DNER: variants seen among roughly 807,000 people sequenced by gnomAD.
The protein encoded by DNER is delta/notch like EGF repeat containing.
DNER carries 33 observed loss-of-function variants against 78.2 expected under a neutral mutation model. That is an observed-to-expected ratio of 0.42 (90% confidence interval 0.32 to 0.56). DNER has a LOEUF of 0.56. Ranked by LOEUF, DNER falls within the 20% of genes least tolerant of loss-of-function variation. DNER has a pLI of 0.11. For synonymous variants in DNER, 417 were observed against 384.8 expected (o/e 1.08, Z -0.98); for missense variants, 918 against 975.3 (o/e 0.94, Z 0.78).
At chr2:229,669,570 G>T (rs1047298002) in intron 1 of DNER, among the ~76,000 whole-genome samples, 2 of 152,084 alleles carry the variant, frequency 1.3e-5, no homozygotes, top group Admixed American at 6.6e-5. Flanking sequence ...CCATTTGTTT[G>T]TTTCCTCTCT....
intron 5 of DNER, among the ~76,000 whole-genome samples, chr2:229,518,129 C>T (rs145716568): frequency 2.2e-3 from 334 of 152,340 alleles, no homozygotes; most frequent in Middle Eastern, 3.4e-3. Context: ...ATGTTTGAGT[C>T]TTCCATTTTC....
chr2:229,378,243 G>C (rs1425825197), intron 11 of DNER, among the ~76,000 whole-genome samples: 1 of 152,172 alleles, frequency 6.6e-6, no homozygotes, highest in African/African-American at 2.4e-5. Flanking sequence ...TTCCAGAACT[G>C]TAACGTGATA....
At chr2:229,417,963 T>G (rs2106349034) in intron 9 of DNER, 145 bp downstream of exon 9, 3 of 1,352,282 alleles carry the variant, frequency 2.2e-6, no homozygotes, top group Admixed American at 4.3e-5. Flanking sequence ...TTGGTCTCCT[T>G]GGACCGATTA....
chr2:229,387,509 G>GAAAGAGAGAGAGAAAGAAAGAAAGAA (rs1553602522), intron 11 of DNER, among the ~76,000 whole-genome samples: 1 of 76,128 alleles, frequency 1.3e-5, no homozygotes, highest in African/African-American at 4.6e-5. Flanking sequence ...GAAAGAAAGA[G>GAAAGAGAGAGAGAAAGAAAGAAAGAA]AGAAAGAAAG....
intron 1 of DNER, among the ~76,000 whole-genome samples, chr2:229,671,729 G>A (rs778355351): frequency 9.9e-5 from 15 of 152,182 alleles, no homozygotes; most frequent in Non-Finnish European, 1.9e-4. Context: ...GGAAAGGGAC[G>A]GGCTCTGGGA....
chr2:229,540,105 C>G (rs1198152494), intron 5 of DNER, among the ~76,000 whole-genome samples: 1 of 152,140 alleles, frequency 6.6e-6, no homozygotes, highest in African/African-American at 2.4e-5. Context: ...GAAAATTCTA[C>G]AGTACTTCAG....
intron 11 of DNER, among the ~76,000 whole-genome samples, chr2:229,374,624 A>G (rs1439111486): frequency 1.3e-5 from 2 of 152,158 alleles, no homozygotes; most frequent in African/African-American, 4.8e-5. Flanking sequence ...GAAGCAACTG[A>G]GACTCTAAGA....
In DNER at chr2:229,421,271, G is replaced by A. The variant is rs374944200; in HGVS notation, c.1487-3041C>T. 2.4e-4 allele frequency among the ~76,000 whole-genome samples: 37 copies of A among 152,102 alleles called. No homozygotes were observed. The East Asian group carries it at 6.2e-3, about 25-fold the overall frequency. ...AATGATGATGATTGCCAGGGTCTGC[G>A]GAAGGGGAAAAATGGAGAGCTGCTA... On this transcript the variant is annotated intron_variant, in intron 8 of 12. Transcript: ENST00000341772.
intron 10 of DNER, among the ~76,000 whole-genome samples, chr2:229,392,971 G>C (rs73098274): frequency 0.029 from 4,475 of 151,932 alleles, 101 homozygotes; most frequent in African/African-American, 0.06. Flanking sequence ...TCAGTCAAAA[G>C]ACACAAATTC....
At chr2:229,405,146 A>C (rs184943190) in intron 10 of DNER, among the ~76,000 whole-genome samples, 2 of 152,336 alleles carry the variant, frequency 1.3e-5, no homozygotes, top group Non-Finnish European at 2.9e-5. Context: ...GAAGAAACAC[A>C]ACCAGAAACA....
At chr2:229,400,324 C>G (rs1195126211) in intron 10 of DNER, among the ~76,000 whole-genome samples, 1 of 152,112 alleles carries the variant, frequency 6.6e-6, no homozygotes, top group Admixed American at 6.5e-5. Flanking sequence ...ACATGCACTT[C>G]CTCACTTTGT....
At chr2:229,559,027 T>C (rs527563414) in intron 4 of DNER, among the ~76,000 whole-genome samples, 1 of 152,140 alleles carries the variant, frequency 6.6e-6, no homozygotes, top group Non-Finnish European at 1.5e-5. Flanking sequence ...ACAAACAAGA[T>C]TTTCATATAG....
chr2:229,435,493 T>C (rs1056680745), intron 8 of DNER, among the ~76,000 whole-genome samples: 1 of 152,216 alleles, frequency 6.6e-6, no homozygotes, highest in African/African-American at 2.4e-5. Flanking sequence ...AATACAAAGG[T>C]TGATTGCCAG....
At chr2:229,692,062 G>A (rs1402593142) in intron 1 of DNER, among the ~76,000 whole-genome samples, 1 of 152,196 alleles carries the variant, frequency 6.6e-6, no homozygotes, top group Admixed American at 6.5e-5. Flanking sequence ...CATGGCCCAG[G>A]TGATATAAGT....
At chr2:229,713,917 C>G (rs1699948550) in intron 1 of DNER, among the ~76,000 whole-genome samples, 1 of 152,138 alleles carries the variant, frequency 6.6e-6, no homozygotes, top group Non-Finnish European at 1.5e-5. Context: ...CCCGGAGCGG[C>G]ACACCCCGAG....
intron 1 of DNER, among the ~76,000 whole-genome samples, chr2:229,645,604 C>T (rs1698704337): frequency 6.6e-6 from 1 of 152,182 alleles, no homozygotes; most frequent in Non-Finnish European, 1.5e-5. Flanking sequence ...ATCAGGTCAC[C>T]TTTAGAGCAA....
intron 1 of DNER, among the ~76,000 whole-genome samples, chr2:229,712,808 G>A (rs1341809104): frequency 1.3e-5 from 2 of 152,066 alleles, no homozygotes; most frequent in African/African-American, 2.4e-5. Context: ...CTCCCTTCAA[G>A]TAACTAAAGC....
Position 229,591,576 on chromosome 2 carries a change from T to G in DNER, c.585+4A>C, listed in dbSNP as rs760224461. On this transcript the variant is annotated splice_donor_region_variant and intron_variant, in intron 2 of 12. Transcript: ENST00000341772. The surrounding 1 kb of genome is among the most constrained non-coding windows in gnomAD (Gnocchi z 4.6). The stretch of plus-strand genomic sequence containing the variant: ...TAAAAATGCACATGATATAACGTTC[T>G]CACCTCCACTTGATCCCATTTCATT... The G allele has an allele frequency of 1.1e-5, 17 of 1,612,666 alleles. No individual in the cohort carries two copies. Among genetic ancestry groups the G allele is most frequent in the Non-Finnish European group, 8.5e-7 (1 of 1,179,192 alleles).
intron 4 of DNER, among the ~76,000 whole-genome samples, chr2:229,569,901 T>C (rs560318898): frequency 2.0e-5 from 3 of 152,276 alleles, no homozygotes; most frequent in African/African-American, 7.2e-5. Flanking sequence ...ATCTCCACAA[T>C]GTATTCTACG....
Sources: gnomAD v4.1 joint callset for allele counts (sites outside exome capture counted in the v4.1 genomes callset) on GRCh38, gnomAD v4.1.1 for gene constraint, Gnocchi (gnomAD v3.1) non-coding constraint, MANE v1.5 for transcripts, NCBI Gene and HGNC (gene_info 2026-07-23, HGNC 2026-07-21) for gene names.